SPATA24: variants seen among roughly 807,000 people sequenced by gnomAD.
SPATA24 encodes spermatogenesis-associated protein 24.
Under a neutral mutation model 28.9 loss-of-function variants are expected in SPATA24, and 21 were observed. The ratio of observed to expected loss-of-function variants is 0.73; its 90% CI spans 0.52 to 1.05. The LOEUF (loss-of-function observed/expected upper bound fraction) is 1.05. SPATA24 is among the 50% of genes least tolerant of loss of function. The probability of loss-of-function intolerance (pLI) is 0.00; values close to 1 mark genes in which losing one functional copy is unlikely to be tolerated. For synonymous variants in SPATA24, 76 were observed against 89.9 expected (o/e 0.85, Z 0.88); for missense variants, 215 against 242.9 (o/e 0.88, Z 0.76).
intron 4 of SPATA24, chr5:139,401,445 C>A: frequency 1.6e-6 from 1 of 608,690 alleles, no homozygotes; most frequent in Admixed American, 2.9e-5. Flanking sequence ...CCTCTTGTAT[C>A]AGTTAGGAGT....
chr5:139,393,586 G>T, downstream of SPATA24: 1 of 1,550,872 alleles, frequency 6.4e-7, no homozygotes, highest in Non-Finnish European at 8.7e-7. Flanking sequence ...GAAGAAGGCC[G>T]GCGGGGACGG....
chr5:139,399,951 T>A, intron 4 of SPATA24, among the ~76,000 whole-genome samples: 1 of 152,154 alleles, frequency 6.6e-6, no homozygotes, highest in Middle Eastern at 3.2e-3. Context: ...AGGTTCTTTT[T>A]TGGGAAGTAA....
At chr5:139,393,997 G>A (rs780357170), downstream of SPATA24, 1 of 1,550,568 alleles carries the variant, frequency 6.4e-7, no homozygotes, top group Admixed American at 2.0e-5. Context: ...TCGATCCGGC[G>A]CCTCTCGCGG....
At chr5:139,394,623 C>A, downstream of SPATA24, 1 of 1,533,816 alleles carries the variant, frequency 6.5e-7, no homozygotes, top group Admixed American at 2.0e-5. Context: ...GGCGTGGGAC[C>A]GCGGCGGGAG....
intron 1 of SPATA24, among the ~76,000 whole-genome samples, chr5:139,403,287 A>G (rs1758861792): frequency 6.6e-6 from 1 of 152,204 alleles, no homozygotes; most frequent in Non-Finnish European, 1.5e-5. Flanking sequence ...GTCTAAGAAC[A>G]ACTTAGAATG....
chr5:139,394,730 C>T (rs758533551), downstream of SPATA24: 14 of 1,532,332 alleles, frequency 9.1e-6, no homozygotes, highest in South Asian at 1.7e-4. Context: ...AACAGGGGTC[C>T]GACGCCGAAG....
chr5:139,399,175 G>C (rs1169318280), intron 4 of SPATA24, among the ~76,000 whole-genome samples: 1 of 152,096 alleles, frequency 6.6e-6, no homozygotes, highest in East Asian at 1.9e-4. Flanking sequence ...AAATTAGCCA[G>C]GTGTGGTGGC....
rs1285780452 is a variant in SPATA24 at position 139,401,912 on chromosome 5, C to A, written c.314+3G>T. On this transcript the variant is annotated splice_donor_region_variant and intron_variant, in intron 3 of 5. Coordinates refer to ENST00000450845, the MANE Select transcript of SPATA24 (RefSeq NM_194296.2). ...CCCACACCCCGTACTGAGGCCCACT[C>A]ACGCTTTTTCAAAGGCCAGCTTCTC... is the stretch of plus-strand genomic sequence containing the variant. The A allele has an allele frequency of 2.6e-5, 40 of 1,551,570 alleles. No homozygotes were observed. The highest frequency in any genetic ancestry group is 3.1e-5 in the Non-Finnish European group (36 of 1,146,900).
intron 2 of SPATA24, among the ~76,000 whole-genome samples, 180 bp downstream of exon 2, chr5:139,402,448 G>T (rs559521110): frequency 4.0e-5 from 6 of 151,600 alleles, no homozygotes; most frequent in Non-Finnish European, 2.9e-5. Context: ...TCACCATGTT[G>T]GCCAGGCTGG....
chr5:139,393,381 C>A, downstream of SPATA24: 1 of 1,551,618 alleles, frequency 6.4e-7, no homozygotes, highest in Non-Finnish European at 8.7e-7. Context: ...AAATTTCCCG[C>A]GTGGATGGAC....
At chr5:139,394,855 T>C (rs1380021171), downstream of SPATA24, 1 of 1,531,404 alleles carries the variant, frequency 6.5e-7, no homozygotes, top group Non-Finnish European at 8.8e-7. Context: ...GCGGCTATTC[T>C]GGGCGCTGAC....
downstream of SPATA24, chr5:139,393,648 C>T: frequency 1.3e-6 from 2 of 1,550,400 alleles, no homozygotes; most frequent in Non-Finnish European, 1.7e-6. Flanking sequence ...GAATCTCCCA[C>T]AGGGAAGGGG....
At chr5:139,394,396 CGGG>C, downstream of SPATA24, 2 of 1,391,128 alleles carry the variant, frequency 1.4e-6, no homozygotes, top group African/African-American at 3.1e-5. Context: ...CAGGAGCAGC[CGGG>C]GGCGCGGCGC....
chr5:139,393,253 C>T, downstream of SPATA24: 1 of 1,549,488 alleles, frequency 6.5e-7, no homozygotes, highest in Non-Finnish European at 8.7e-7. Context: ...GGCCGCCTCT[C>T]CAGGACCCAA....
chr5:139,393,541 C>G (rs763971984), downstream of SPATA24: 277 of 1,551,188 alleles, frequency 1.8e-4, 2 homozygotes, highest in Admixed American at 9.8e-5. Context: ...AGATGGGCCC[C>G]AAGTTCCAAT....
chr5:139,403,015 G>C (rs1039382368), intron 1 of SPATA24, among the ~76,000 whole-genome samples: 2 of 152,278 alleles, frequency 1.3e-5, no homozygotes, highest in African/African-American at 4.8e-5. Flanking sequence ...AATCACTTCC[G>C]GAGAAGGGGA....
In SPATA24 at chr5:139,401,850, G is replaced by A. The variant is rs1243282682; in HGVS notation, c.315-25C>T. 3.2e-6 allele frequency: 5 copies of A among 1,547,814 alleles called. No homozygotes were observed. The East Asian group carries it at 7.3e-5, about 23-fold the overall frequency. ...CCTGGGTGGGGAAGATAAGATGGGA[G>A]GGTGGGCAGGCTAGCAAGCAGATGC... On this transcript the variant is annotated intron_variant, in intron 3 of 5. Transcript: ENST00000450845.
At chr5:139,402,601 T>G in intron 2 of SPATA24, 27 bp downstream of exon 2, 1 of 1,546,732 alleles carries the variant, frequency 6.5e-7, no homozygotes, top group Non-Finnish European at 8.8e-7. Context: ...GGGGGAAGAT[T>G]AGGAGACCGC....
At chr5:139,401,533 C>T in intron 4 of SPATA24, 1 of 675,312 alleles carries the variant, frequency 1.5e-6, no homozygotes, top group South Asian at 1.6e-5. Context: ...AAGCCCATTC[C>T]TTTATGGCGG....
Sources: allele counts gnomAD v4.1 joint callset (sites outside exome capture counted in the v4.1 genomes callset), GRCh38; gene constraint gnomAD v4.1.1; transcripts MANE v1.5; gene names NCBI Gene and HGNC (gene_info 2026-07-23, HGNC 2026-07-21).